ESRRG: variants seen among roughly 807,000 people sequenced by gnomAD.
The protein encoded by ESRRG is estrogen-related receptor gamma.
A neutral mutation model predicts 44.0 loss-of-function variants in ESRRG; 13 were observed. The observed-to-expected ratio is 0.30, with a 90% CI of 0.19 to 0.47. The LOEUF is 0.47. Among genes scored for constraint, ESRRG ranks in the 20% least tolerant of loss-of-function variants. The probability of loss-of-function intolerance (pLI) is 1.00; values close to 1 mark genes in which losing one functional copy is unlikely to be tolerated. For synonymous variants in ESRRG, 215 were observed against 214.6 expected, an observed-to-expected ratio of 1.00 and a Z score of -0.02; for missense variants, 395 against 580.6, an observed-to-expected ratio of 0.68 and a Z score of 3.29.
chr1:216,569,299 A>C lies in ESRRG; in HGVS notation c.590-1201T>G, dbSNP rs550203626. Among the ~76,000 whole-genome samples the C allele has an allele frequency of 3.9e-5, 6 of 152,028 alleles. No homozygotes were observed. The East Asian group carries it at 1.2e-3, about 30-fold the overall frequency. ...AGGAAGGAAGGAAAGAAGGAAGGAAAAGAAGAGCTTCCCAAAGAATTCCAA... is the reference window on the plus strand; with the variant it reads ...AGGAAGGAAGGAAAGAAGGAAGGAACAGAAGAGCTTCCCAAAGAATTCCAA... On this transcript the variant is annotated intron_variant, in intron 3 of 6. Coordinates refer to ENST00000408911, the MANE Select transcript of ESRRG (RefSeq NM_001438.4).
chr1:217,060,852 C>A (rs1187160505), intron 1 of ESRRG, among the ~76,000 whole-genome samples: 7 of 109,760 alleles, frequency 6.4e-5, no homozygotes, highest in African/African-American at 2.1e-4. Flanking sequence ...ATAAATGCCT[C>A]TGAGAATTCC....
chr1:217,001,997 A>ATTT (rs34955630), intron 1 of ESRRG, among the ~76,000 whole-genome samples: 36 of 150,638 alleles, frequency 2.4e-4, no homozygotes, highest in Non-Finnish European at 4.6e-4. Flanking sequence ...CACCATTATA[A>ATTT]TTTTTTTTTT....
intron 3 of ESRRG, among the ~76,000 whole-genome samples, chr1:216,643,249 T>G (rs539843568): frequency 6.6e-6 from 1 of 152,206 alleles, no homozygotes; most frequent in South Asian, 2.1e-4. Context: ...TGTGTGTATA[T>G]GTAGACATGC....
At chr1:217,079,928 T>A (rs1316024211) in intron 1 of ESRRG, among the ~76,000 whole-genome samples, 1 of 152,192 alleles carries the variant, frequency 6.6e-6, no homozygotes, top group Non-Finnish European at 1.5e-5. Flanking sequence ...TTTCATTTGA[T>A]CCTTCCAACA....
At chr1:216,639,796 G>T (rs1270243367) in intron 3 of ESRRG, among the ~76,000 whole-genome samples, 1 of 152,110 alleles carries the variant, frequency 6.6e-6, no homozygotes, top group Non-Finnish European at 1.5e-5. Flanking sequence ...TAACCAAAGG[G>T]CAATTGCTAA....
At chr1:216,996,129 T>C (rs968897890) in intron 1 of ESRRG, among the ~76,000 whole-genome samples, 5 of 152,206 alleles carry the variant, frequency 3.3e-5, no homozygotes, top group African/African-American at 1.2e-4. Flanking sequence ...CAGTGATTGC[T>C]ATAAACAAAT....
chr1:217,000,173 C>T (rs1429322759), intron 1 of ESRRG: 1 of 152,150 alleles, frequency 6.6e-6, no homozygotes, highest in Non-Finnish European at 1.5e-5. Context: ...CGTAAGCGAA[C>T]AGTTATTGTA....
intron 3 of ESRRG, among the ~76,000 whole-genome samples, chr1:216,624,101 C>CA (rs984017931): frequency 1.3e-5 from 2 of 152,094 alleles, no homozygotes; most frequent in African/African-American, 4.8e-5. Context: ...CAGGGAGGCA[C>CA]AAAAAACCCA....
At chr1:217,097,087 C>A (rs758696243) in intron 1 of ESRRG, among the ~76,000 whole-genome samples, 2 of 152,064 alleles carry the variant, frequency 1.3e-5, no homozygotes, top group Non-Finnish European at 2.9e-5. Flanking sequence ...TCGTGATGTG[C>A]ACCTGTAGTC....
chr1:217,096,752 A>T (rs1330835992), intron 1 of ESRRG, among the ~76,000 whole-genome samples: 1 of 152,168 alleles, frequency 6.6e-6, no homozygotes, highest in African/African-American at 2.4e-5. Context: ...CATTGTATTT[A>T]TGCTTTAATT....
chr1:216,587,916 C>T (rs1211708455), intron 3 of ESRRG, among the ~76,000 whole-genome samples: 1 of 152,170 alleles, frequency 6.6e-6, no homozygotes, highest in East Asian at 1.9e-4. Context: ...AGAAAGGTTA[C>T]ATTGAGTCAT....
intron 2 of ESRRG, among the ~76,000 whole-genome samples, chr1:216,816,068 A>G (rs867217334): frequency 5.1e-4 from 77 of 152,180 alleles, no homozygotes; most frequent in African/African-American, 1.7e-3. Context: ...AGGAAAAGCC[A>G]ACTTGAACTT....
intron 1 of ESRRG, among the ~76,000 whole-genome samples, chr1:217,028,227 A>G (rs2081513140): frequency 6.6e-6 from 1 of 152,200 alleles, no homozygotes; most frequent in African/African-American, 2.4e-5. Flanking sequence ...TTCAGCCTCT[A>G]TCTCCATTAC....
chr1:216,575,437 T>C (rs1436748103), intron 3 of ESRRG, among the ~76,000 whole-genome samples: 1 of 152,154 alleles, frequency 6.6e-6, no homozygotes, highest in Non-Finnish European at 1.5e-5. Context: ...TGTTGTTAAA[T>C]GAATTAATCA....
At chr1:216,626,511 C>CA (rs1266939100) in intron 3 of ESRRG, among the ~76,000 whole-genome samples, 1 of 152,216 alleles carries the variant, frequency 6.6e-6, no homozygotes, top group Non-Finnish European at 1.5e-5. Flanking sequence ...CTCAGTACTT[C>CA]AAAAGCTATA....
intron 6 of ESRRG, among the ~76,000 whole-genome samples, chr1:216,508,629 A>G (rs901230603): frequency 6.6e-6 from 1 of 152,180 alleles, no homozygotes; most frequent in African/African-American, 2.4e-5. Context: ...CAGCATGGCA[A>G]TCTCATCCAC....
At chr1:216,554,807 T>G (rs902558740) in intron 5 of ESRRG, among the ~76,000 whole-genome samples, 1 of 152,170 alleles carries the variant, frequency 6.6e-6, no homozygotes, top group Non-Finnish European at 1.5e-5. Flanking sequence ...GGACCCTTAC[T>G]GTGATTAATA....
In ESRRG at chr1:216,825,027, C is replaced by A. The variant is rs538048097; in HGVS notation, c.-14+114555G>T. ...TGTGTCACAGTGACAGAGGCCTGTCCTTGAAGACTTGATCCATCTGCTTGT... is the reference window on the plus strand; with the variant it reads ...TGTGTCACAGTGACAGAGGCCTGTCATTGAAGACTTGATCCATCTGCTTGT... On this transcript the variant is annotated intron_variant, in intron 2 of 7. Transcript: ENST00000359162. 2.8e-4 allele frequency among the ~76,000 whole-genome samples: 43 copies of A among 152,282 alleles called. 2 individuals carry two copies. The South Asian group carries it at 8.9e-3, about 32-fold the overall frequency.
intron 2 of ESRRG, among the ~76,000 whole-genome samples, chr1:216,798,080 C>T (rs776646414): frequency 2.0e-5 from 3 of 152,072 alleles, no homozygotes; most frequent in Admixed American, 1.3e-4. Context: ...TTTCATTGAA[C>T]CAAGAGAGAA....
Sources: allele counts gnomAD v4.1 joint callset (sites outside exome capture counted in the v4.1 genomes callset), GRCh38; gene constraint gnomAD v4.1.1; transcripts MANE v1.5; gene names NCBI Gene and HGNC (gene_info 2026-07-23, HGNC 2026-07-21).